NAALADL2: variants seen among roughly 807,000 people sequenced by gnomAD.
The protein encoded by NAALADL2 is N-acetylated alpha-linked acidic dipeptidase like 2, also known as inactive N-acetylated-alpha-linked acidic dipeptidase-like protein 2.
A neutral mutation model predicts 87.2 loss-of-function variants in NAALADL2; 76 were observed. The ratio of observed to expected loss-of-function variants is 0.87; its 90% CI spans 0.72 to 1.05. NAALADL2 has a LOEUF of 1.05. Among genes scored for constraint, NAALADL2 ranks in the 50% least tolerant of loss-of-function variants. NAALADL2 has a pLI of 0.00. For synonymous variants in NAALADL2, 354 were observed against 331.0 expected, an observed-to-expected ratio of 1.07 and a Z score of -0.75; for missense variants, 1,089 against 945.8, an observed-to-expected ratio of 1.15 and a Z score of -1.99.
intron 5 of NAALADL2, among the ~76,000 whole-genome samples, chr3:175,343,734 T>C (rs1289789995): frequency 1.4e-5 from 2 of 146,188 alleles, no homozygotes; most frequent in Non-Finnish European, 3.0e-5. Context: ...TAAAGAAGAA[T>C]TGACAATGAA....
chr3:175,131,819 G>T (rs1264388871), intron 2 of NAALADL2, among the ~76,000 whole-genome samples: 2 of 140,414 alleles, frequency 1.4e-5, no homozygotes, highest in Non-Finnish European at 3.1e-5. Flanking sequence ...CCGGGCGGGG[G>T]GCTGACCCCC....
intron 5 of NAALADL2, among the ~76,000 whole-genome samples, chr3:175,422,675 T>C (rs1715907056): frequency 6.9e-6 from 1 of 145,804 alleles, no homozygotes; most frequent in Non-Finnish European, 1.5e-5. Flanking sequence ...AGACAAAAAA[T>C]AACTTTTAGC....
In NAALADL2 at chr3:175,085,814, A is replaced by T. The variant is rs62287684; in HGVS notation, c.44-10976A>T. ...GTGCCTGTAGTCCCAGCTACTCGGG[A>T]GGCTGAGGCAGGAGAATCACTTGAA... On this transcript the variant is annotated intron_variant, in intron 1 of 13. Coordinates refer to ENST00000454872, the MANE Select transcript of NAALADL2 (RefSeq NM_207015.3). Among the ~76,000 whole-genome samples, 892 of 152,116 alleles carry T rather than the reference A, an allele frequency of 5.9e-3. 14 individuals are homozygous for T. The highest frequency in any genetic ancestry group is 0.021 in the African/African-American group (856 of 41,506).
intron 3 of NAALADL2, among the ~76,000 whole-genome samples, chr3:174,787,396 C>T (rs1382404925): frequency 4.0e-5 from 6 of 150,728 alleles, no homozygotes; most frequent in Admixed American, 2.7e-4. Flanking sequence ...GAAAAGTAAT[C>T]TAATACTTCT....
intron 3 of NAALADL2, among the ~76,000 whole-genome samples, chr3:174,763,094 G>T (rs951050401): frequency 6.6e-6 from 1 of 151,682 alleles, no homozygotes; most frequent in Non-Finnish European, 1.5e-5. Flanking sequence ...TTACCACATT[G>T]GATCCTATTA....
intron 2 of NAALADL2, among the ~76,000 whole-genome samples, chr3:174,598,572 G>A (rs968504542): frequency 2.0e-5 from 3 of 152,044 alleles, no homozygotes; most frequent in African/African-American, 2.4e-5. Context: ...TTTTAAATCG[G>A]TTAAGCAAAG....
At chr3:175,149,025 T>A (rs932755558) in intron 2 of NAALADL2, among the ~76,000 whole-genome samples, 1 of 152,190 alleles carries the variant, frequency 6.6e-6, no homozygotes, top group African/African-American at 2.4e-5. Flanking sequence ...ATTGAATCTA[T>A]AGATTGCTTT....
rs36055156 is a variant in NAALADL2, at chr3:174,485,418, A to ATT, written c.-184+44395_-184+44396dup. On this transcript the variant is annotated intron_variant, in intron 1 of 3. Transcript: ENST00000434257. The stretch of plus-strand genomic sequence containing the variant: ...CCAGGTATTAAGCCTAGTACCCATT[A>ATT]TTTTTTTTTTCGAATCTTCCTCCTC... Among the ~76,000 whole-genome samples, 152 of 149,320 alleles carry ATT rather than the reference A, an allele frequency of 1.0e-3. 1 individual carries two copies. Among genetic ancestry groups the ATT allele is most frequent in the African/African-American group, 3.3e-3 (133 of 40,622 alleles).
chr3:174,807,643 G>A (rs1296914480), intron 3 of NAALADL2, among the ~76,000 whole-genome samples: 6 of 152,122 alleles, frequency 3.9e-5, no homozygotes, highest in South Asian at 2.1e-4. Context: ...GCAGAACAGC[G>A]TTGAATAATA....
chr3:174,790,736 AAAT>A (rs1487700692), intron 3 of NAALADL2, among the ~76,000 whole-genome samples: 4 of 152,208 alleles, frequency 2.6e-5, no homozygotes, highest in African/African-American at 7.2e-5. Flanking sequence ...GTGTGTAGAA[AAAT>A]AATAAGTTGT....
At chr3:175,377,498 G>A (rs997772229) in intron 5 of NAALADL2, among the ~76,000 whole-genome samples, 2 of 152,044 alleles carry the variant, frequency 1.3e-5, no homozygotes, top group Admixed American at 1.3e-4. Context: ...TTACATGGCT[G>A]CACATACAGA....
At chr3:174,864,347 G>T (rs987573622) in intron 1 of NAALADL2, among the ~76,000 whole-genome samples, 4 of 152,016 alleles carry the variant, frequency 2.6e-5, no homozygotes, top group Non-Finnish European at 5.9e-5. Flanking sequence ...TGAATAGAAC[G>T]TGAGATAAAG....
chr3:175,217,596 C>G (rs1445424014), intron 2 of NAALADL2, among the ~76,000 whole-genome samples: 1 of 152,170 alleles, frequency 6.6e-6, no homozygotes, highest in Non-Finnish European at 1.5e-5. Context: ...GTACTTATTT[C>G]TCAAGTTAGC....
chr3:174,821,451 A>G (rs1721408449), intron 3 of NAALADL2, among the ~76,000 whole-genome samples: 1 of 152,172 alleles, frequency 6.6e-6, no homozygotes, highest in South Asian at 2.1e-4. Flanking sequence ...CCCTTCTTTA[A>G]CATTCAAAGA....
chr3:174,691,027 T>A (rs1728524899), intron 2 of NAALADL2, among the ~76,000 whole-genome samples: 1 of 152,196 alleles, frequency 6.6e-6, no homozygotes, highest in African/African-American at 2.4e-5. Context: ...TCCCAACGCA[T>A]ATAAAAGTTA....
chr3:175,391,862 A>G lies in NAALADL2; in HGVS notation c.1091-55367A>G, dbSNP rs553620799. On this transcript the variant is annotated intron_variant, in intron 5 of 13. Coordinates refer to ENST00000454872, the MANE Select transcript of NAALADL2 (RefSeq NM_207015.3). The stretch of plus-strand genomic sequence containing the variant: ...TTACCTGGATTATACTAGATGCTCA[A>G]TGAATATTTCTCAGATTACACTTTG... 1.2e-4 allele frequency among the ~76,000 whole-genome samples: 18 copies of G among 152,250 alleles called. 1 individual carries two copies. The South Asian group carries it at 1.9e-3, about 16-fold the overall frequency.
chr3:175,691,066 G>GT (rs1736970423), intron 11 of NAALADL2, among the ~76,000 whole-genome samples: 1 of 151,298 alleles, frequency 6.6e-6, no homozygotes, highest in South Asian at 2.1e-4. Context: ...TTTAAACCTG[G>GT]AAAACCCAAT....
intron 1 of NAALADL2, among the ~76,000 whole-genome samples, chr3:174,971,894 C>T (rs1297805350): frequency 1.3e-5 from 2 of 152,092 alleles, no homozygotes; most frequent in Admixed American, 1.3e-4. Context: ...GATGGATTTT[C>T]ACCATATTGG....
chr3:175,482,484 A>G (rs1726623295), intron 9 of NAALADL2, among the ~76,000 whole-genome samples: 2 of 151,952 alleles, frequency 1.3e-5, no homozygotes, highest in Admixed American at 6.6e-5. Context: ...TATTATTACA[A>G]TATAACTTCC....
Sources: allele counts gnomAD v4.1 joint callset (sites outside exome capture counted in the v4.1 genomes callset), GRCh38; gene constraint gnomAD v4.1.1; transcripts MANE v1.5; gene names NCBI Gene and HGNC (gene_info 2026-07-23, HGNC 2026-07-21).